RAB28: variants seen among roughly 807,000 people sequenced by gnomAD.
The protein encoded by RAB28 is RAB28, member RAS oncogene family, also known as ras-related protein Rab-28.
A neutral mutation model predicts 31.7 loss-of-function variants in RAB28; 24 were observed. That is an observed-to-expected ratio of 0.76 (90% CI 0.55 to 1.06). The LOEUF is 1.06. Ranked by LOEUF, RAB28 falls within the 50% of genes least tolerant of loss-of-function variation. The probability of loss-of-function intolerance (pLI) is 0.00; values close to 1 mark genes in which losing one functional copy is unlikely to be tolerated. For synonymous variants in RAB28, 100 were observed against 90.4 expected (o/e 1.11, Z -0.60); for missense variants, 254 against 258.5 (o/e 0.98, Z 0.12).
At chr4:13,405,922 T>C (rs1712051564) in intron 4 of RAB28, among the ~76,000 whole-genome samples, 1 of 152,164 alleles carries the variant, frequency 6.6e-6, no homozygotes, top group Non-Finnish European at 1.5e-5. Flanking sequence ...AGTTCAAAAA[T>C]AATTATAAAT....
At chr4:13,433,644 T>G (rs547443034) in intron 4 of RAB28, among the ~76,000 whole-genome samples, 2 of 147,048 alleles carry the variant, frequency 1.4e-5, no homozygotes, top group East Asian at 4.0e-4. Flanking sequence ...TATTGAAAAG[T>G]TAAAAAAAAA....
intron 4 of RAB28, among the ~76,000 whole-genome samples, chr4:13,449,308 G>T (rs1714849516): frequency 6.6e-6 from 1 of 151,902 alleles, no homozygotes; most frequent in South Asian, 2.1e-4. Context: ...AAGAGTCACA[G>T]TATAGGCAAG....
chr4:13,415,917 A>ATC (rs1424113512), intron 4 of RAB28, among the ~76,000 whole-genome samples: 1 of 152,158 alleles, frequency 6.6e-6, no homozygotes, highest in African/African-American at 2.4e-5. Context: ...GGCACTCTGT[A>ATC]TCTAGCTCAA....
At chr4:13,471,051 ATTCT>A (rs1716094088) in intron 3 of RAB28, among the ~76,000 whole-genome samples, 1 of 152,118 alleles carries the variant, frequency 6.6e-6, no homozygotes. Context: ...GACATGTATA[ATTCT>A]TTCTATACAC....
chr4:13,473,099 C>T (rs1716195213), intron 3 of RAB28, among the ~76,000 whole-genome samples: 1 of 151,946 alleles, frequency 6.6e-6, no homozygotes, highest in South Asian at 2.1e-4. Flanking sequence ...TATAGCCATA[C>T]TGTCCTTCTC....
intron 3 of RAB28, among the ~76,000 whole-genome samples, chr4:13,467,431 T>TA (rs1190860647): frequency 6.6e-6 from 1 of 151,828 alleles, no homozygotes; most frequent in Admixed American, 6.6e-5. Flanking sequence ...TTAATTGATA[T>TA]AAAATACAAC....
At chr4:13,370,227 T>C in intron 6 of RAB28, 4 of 971,212 alleles carry the variant, frequency 4.1e-6, no homozygotes, top group Non-Finnish European at 3.7e-6. Flanking sequence ...CTGAAATAGA[T>C]ATGACCACTG....
chr4:13,447,572 G>A (rs760678380), intron 4 of RAB28, among the ~76,000 whole-genome samples: 7 of 152,170 alleles, frequency 4.6e-5, no homozygotes, highest in East Asian at 1.9e-4. Context: ...CACATAAAGT[G>A]GAAAATACTT....
intron 4 of RAB28, among the ~76,000 whole-genome samples, chr4:13,435,003 G>A (rs1714012901): frequency 8.0e-6 from 1 of 124,804 alleles, no homozygotes; most frequent in Non-Finnish European, 1.6e-5. Context: ...TTGGCACAGA[G>A]CAAGACTCCG....
intron 4 of RAB28, among the ~76,000 whole-genome samples, chr4:13,398,676 G>A (rs1185499053): frequency 6.6e-6 from 1 of 151,918 alleles, no homozygotes; most frequent in East Asian, 1.9e-4. Flanking sequence ...TACTCGGGAG[G>A]CTGAGGCAGG....
chr4:13,386,035 C>A (rs982561744), intron 4 of RAB28, among the ~76,000 whole-genome samples: 2 of 152,038 alleles, frequency 1.3e-5, no homozygotes, highest in South Asian at 4.1e-4. Flanking sequence ...CAAACAAAAA[C>A]CTTCTACAGA....
intron 4 of RAB28, among the ~76,000 whole-genome samples, chr4:13,384,462 C>T (rs754030766): frequency 6.6e-6 from 1 of 152,218 alleles, no homozygotes; most frequent in Non-Finnish European, 1.5e-5. Flanking sequence ...GTACCACCTA[C>T]TGAAGTGTAA....
At chr4:13,467,705 G>A (rs1264742290) in intron 3 of RAB28, among the ~76,000 whole-genome samples, 2 of 151,830 alleles carry the variant, frequency 1.3e-5, no homozygotes, top group African/African-American at 4.8e-5. Flanking sequence ...ACCAGAGAAA[G>A]CAGAAAAAGA....
At chr4:13,425,713 C>T (rs971544882) in intron 4 of RAB28, among the ~76,000 whole-genome samples, 1 of 152,158 alleles carries the variant, frequency 6.6e-6, no homozygotes, top group African/African-American at 2.4e-5. Context: ...TAGGCCCTGG[C>T]AGTCTTGTTC....
At chr4:13,446,376 C>G (rs113428153) in intron 4 of RAB28, among the ~76,000 whole-genome samples, 2,447 of 152,258 alleles carry the variant, frequency 0.016, 61 homozygotes, top group African/African-American at 0.057. Context: ...GGGGAGTGGA[C>G]AGTTTTCCTG....
chr4:13,378,929 G>T (rs1034485666), intron 5 of RAB28, among the ~76,000 whole-genome samples: 4 of 152,056 alleles, frequency 2.6e-5, no homozygotes, highest in Admixed American at 6.6e-5. Flanking sequence ...AATAGTCATC[G>T]GCCTGGTGCA....
intron 3 of RAB28, among the ~76,000 whole-genome samples, chr4:13,461,637 C>T (rs1715595853): frequency 1.3e-5 from 2 of 152,138 alleles, no homozygotes; most frequent in Admixed American, 6.5e-5. Flanking sequence ...TGCTTCCTGC[C>T]TCTTATATAT....
intron 2 of RAB28, among the ~76,000 whole-genome samples, chr4:13,475,295 A>G (rs1716303049): frequency 1.3e-5 from 2 of 151,592 alleles, no homozygotes; most frequent in Non-Finnish European, 3.0e-5. Context: ...CAAAAGCCAA[A>G]CTATGCTTTT....
intron 4 of RAB28, among the ~76,000 whole-genome samples, chr4:13,393,469 A>C (rs1729734941): frequency 6.6e-6 from 1 of 152,176 alleles, no homozygotes; most frequent in Non-Finnish European, 1.5e-5. Flanking sequence ...TACCCAAGAA[A>C]AATATATATA....
Sources: gnomAD v4.1 joint callset for allele counts (sites outside exome capture counted in the v4.1 genomes callset) on GRCh38, gnomAD v4.1.1 for gene constraint, MANE v1.5 for transcripts, NCBI Gene and HGNC (gene_info 2026-07-23, HGNC 2026-07-21) for gene names.